The following PARD3 variants were observed in gnomAD, a reference collection of about 807,000 sequenced individuals.
PARD3 encodes partitioning defective 3 homolog.
Under a neutral mutation model 155.4 loss-of-function variants are expected in PARD3, and 75 were observed. The observed-to-expected ratio is 0.48, with a 90% CI of 0.40 to 0.58. The LOEUF (loss-of-function observed/expected upper bound fraction) is 0.58, where lower values mean the gene tolerates loss of function less well. PARD3 is among the 20% of genes least tolerant of loss of function. The pLI, the probability that PARD3 is intolerant of heterozygous loss-of-function variation, is 0.00. For missense variants in PARD3, 1,642 were observed against 1,721.7 expected, an observed-to-expected ratio of 0.95 and a Z score of 0.82; for synonymous variants, 576 against 610.5, an observed-to-expected ratio of 0.94 and a Z score of 0.83.
chr10:34,413,040 T>C (rs908808876), intron 5 of PARD3, among the ~76,000 whole-genome samples: 1 of 152,054 alleles, frequency 6.6e-6, no homozygotes, highest in Admixed American at 6.6e-5. Flanking sequence ...AGGATCAAGA[T>C]GACTGCTTAT....
chr10:34,415,292 G>A (rs1385595867), intron 5 of PARD3, among the ~76,000 whole-genome samples: 1 of 152,174 alleles, frequency 6.6e-6, no homozygotes, highest in Non-Finnish European at 1.5e-5. Flanking sequence ...GAGTTGGGAA[G>A]ACACATGCAC....
intron 2 of PARD3, among the ~76,000 whole-genome samples, chr10:34,637,254 C>A (rs1283712310): frequency 6.6e-6 from 1 of 152,128 alleles, no homozygotes; most frequent in Non-Finnish European, 1.5e-5. Context: ...CCATTCTTTT[C>A]AAAAACAACG....
At chr10:34,759,331 A>G (rs901534532) in intron 1 of PARD3, among the ~76,000 whole-genome samples, 3 of 152,224 alleles carry the variant, frequency 2.0e-5, no homozygotes, top group African/African-American at 7.2e-5. Flanking sequence ...AAAACAATGT[A>G]CATAATATTT....
chr10:34,150,938 C>T (rs1228310459), intron 22 of PARD3, among the ~76,000 whole-genome samples: 1 of 152,138 alleles, frequency 6.6e-6, no homozygotes, highest in Non-Finnish European at 1.5e-5. Context: ...CATGTTTTGT[C>T]CCTTCTATAG....
intron 1 of PARD3, among the ~76,000 whole-genome samples, chr10:34,796,902 TTGAACCCAGGAGACGGAGGTTGCTA>T (rs1377020441): frequency 2.0e-5 from 3 of 152,188 alleles, no homozygotes; most frequent in African/African-American, 4.8e-5. Context: ...GGAGAATCAC[TTGAACCCAGGAGACGGAGGTTGCTA>T]TGAACTGAGA....
chr10:34,629,127 G>A (rs559792740), intron 2 of PARD3, among the ~76,000 whole-genome samples: 4 of 152,294 alleles, frequency 2.6e-5, no homozygotes, highest in South Asian at 4.1e-4. Flanking sequence ...GGTAATGAAA[G>A]GTCCCTGGGC....
In PARD3 at chr10:34,742,473, A is replaced by G. The variant is rs549269733; in HGVS notation, c.121-46054T>C. Among the ~76,000 whole-genome samples, 189 of 152,336 alleles carry G rather than the reference A, an allele frequency of 1.2e-3. 5 individuals carry two copies. In the South Asian group the frequency reaches 0.026, roughly 21 times the overall value. On this transcript the variant is annotated intron_variant, in intron 1 of 24. Coordinates refer to ENST00000374788, the MANE Select transcript of PARD3 (RefSeq NM_001184785.2). ...ATGGCCTCTACACAACACGGCTCCC[A>G]GGGGTGGTCCCGTCTCACAGACCCT... is the stretch of plus-strand genomic sequence containing the variant.
intron 1 of PARD3, among the ~76,000 whole-genome samples, chr10:34,704,838 C>T (rs1345650517): frequency 6.6e-6 from 1 of 152,148 alleles, no homozygotes. Flanking sequence ...CCAGATTAGC[C>T]ACATGATAGT....
At chr10:34,648,133 TACAA>T (rs1188046688) in intron 2 of PARD3, among the ~76,000 whole-genome samples, 17 of 152,346 alleles carry the variant, frequency 1.1e-4, no homozygotes, top group African/African-American at 4.1e-4. Context: ...ATTTGATTTA[TACAA>T]ACAGACTCAA....
intron 2 of PARD3, among the ~76,000 whole-genome samples, chr10:34,679,583 T>G (rs2093773869): frequency 1.3e-5 from 2 of 152,188 alleles, no homozygotes; most frequent in Non-Finnish European, 1.5e-5. Context: ...ACACATATTT[T>G]ACTCAGAGAA....
chr10:34,228,696 T>C (rs1231038365), intron 22 of PARD3, among the ~76,000 whole-genome samples: 2 of 152,004 alleles, frequency 1.3e-5, no homozygotes, highest in African/African-American at 2.4e-5. Context: ...AGGATGAAAA[T>C]GGCAGAGGAA....
intron 3 of PARD3, among the ~76,000 whole-genome samples, chr10:34,484,344 T>G (rs2133238816): frequency 6.6e-6 from 1 of 152,326 alleles, no homozygotes; most frequent in African/African-American, 2.4e-5. Flanking sequence ...ATGAGAATTT[T>G]AGGTAAATAT....
chr10:34,637,646 G>T (rs1451008873), intron 2 of PARD3, among the ~76,000 whole-genome samples: 1 of 152,192 alleles, frequency 6.6e-6, no homozygotes, highest in East Asian at 1.9e-4. Flanking sequence ...TTGCAGGCTG[G>T]TGTGCAATCA....
At chr10:34,157,237 G>A (rs1949052218) in intron 22 of PARD3, among the ~76,000 whole-genome samples, 1 of 152,200 alleles carries the variant, frequency 6.6e-6, no homozygotes, top group African/African-American at 2.4e-5. Context: ...ATATCCCTCT[G>A]CTGGCTGAGT....
intron 2 of PARD3, among the ~76,000 whole-genome samples, chr10:34,640,154 A>G (rs992814678): frequency 4.6e-5 from 7 of 152,166 alleles, no homozygotes; most frequent in Admixed American, 3.3e-4. Flanking sequence ...GGAGTGCACC[A>G]TGACACAGTG....
At chr10:34,279,150 T>TTC in intron 21 of PARD3, among the ~76,000 whole-genome samples, 1 of 145,332 alleles carries the variant, frequency 6.9e-6, no homozygotes, top group South Asian at 2.2e-4. Flanking sequence ...CCTTTTTTTT[T>TTC]TTTTTTTTTT....
In PARD3 at chr10:34,186,472, G is replaced by A. The variant is rs537706832; in HGVS notation, c.3420-54889C>T. ...GAATTTGGACCATTGTACCCTAATGGTTCCGACCCTCAATCTCACCTCACT... is the reference window on the plus strand; with the variant it reads ...GAATTTGGACCATTGTACCCTAATGATTCCGACCCTCAATCTCACCTCACT... On this transcript the variant is annotated intron_variant, in intron 22 of 24. Transcript: ENST00000374788. 4.6e-5 allele frequency among the ~76,000 whole-genome samples: 7 copies of A among 152,116 alleles called. No homozygotes were observed. In the South Asian group the frequency reaches 1.5e-3, roughly 32 times the overall value.
chr10:34,813,401 C>T (rs941990771), intron 1 of PARD3, among the ~76,000 whole-genome samples: 1 of 152,274 alleles, frequency 6.6e-6, no homozygotes, highest in South Asian at 2.1e-4. Context: ...AACTGTCACA[C>T]ATAAACAACA....
At chr10:34,418,313 T>C (rs563405212) in intron 5 of PARD3, among the ~76,000 whole-genome samples, 22 of 151,906 alleles carry the variant, frequency 1.4e-4, no homozygotes, top group Non-Finnish European at 2.5e-4. Context: ...TAGCTGAGAG[T>C]GCAGGCACTC....
Sources: gnomAD v4.1 joint callset for allele counts (sites outside exome capture counted in the v4.1 genomes callset) on GRCh38, gnomAD v4.1.1 for gene constraint, MANE v1.5 for transcripts, NCBI Gene and HGNC (gene_info 2026-07-23, HGNC 2026-07-21) for gene names.